Variants in STIP1 observed in about 807,000 individuals in gnomAD.
STIP1 encodes the protein stress-induced-phosphoprotein 1.
In STIP1, 16 loss-of-function variants were observed where a neutral mutation model predicts 77.4. The ratio of observed to expected loss-of-function variants is 0.21; its 90% CI spans 0.14 to 0.31. The LOEUF is 0.31. STIP1 is among the 10% of genes least tolerant of loss of function. The pLI, the probability that STIP1 is intolerant of heterozygous loss-of-function variation, is 1.00. For missense variants in STIP1, 524 were observed against 684.8 expected, an observed-to-expected ratio of 0.77 and a Z score of 2.62; for synonymous variants, 258 against 246.6, an observed-to-expected ratio of 1.05 and a Z score of -0.44.
At chr11:64,191,181 C>T (rs1375285227) in intron 1 of STIP1, among the ~76,000 whole-genome samples, 1 of 134,858 alleles carries the variant, frequency 7.4e-6, no homozygotes, top group Non-Finnish European at 1.6e-5. Context: ...GAGTGAAACT[C>T]TGTCTCAAAA....
At chr11:64,202,059 A>G (rs1045122861) in intron 10 of STIP1, among the ~76,000 whole-genome samples, 2 of 152,222 alleles carry the variant, frequency 1.3e-5, no homozygotes, top group Middle Eastern at 6.3e-3. Context: ...TGAGACATCC[A>G]AGTCTTGTGC....
chr11:64,189,500 C>G (rs1946067044), intron 1 of STIP1, among the ~76,000 whole-genome samples: 1 of 151,810 alleles, frequency 6.6e-6, no homozygotes. Flanking sequence ...GCCCTCCAGC[C>G]TGAATGACAG....
chr11:64,203,213 G>A lies in STIP1; in HGVS notation c.1371G>A (p.Leu457=), dbSNP rs1324917091. 2 of 1,613,998 alleles carry A rather than the reference G, an allele frequency of 1.2e-6. No homozygotes were observed. Among genetic ancestry groups the A allele is most frequent in the Non-Finnish European group, 1.7e-6 (2 of 1,180,044 alleles). Residue 457 remains leucine (L), a synonymous_variant, in exon 12 of 14, where the codon CTG becomes CTA. Coordinates refer to ENST00000305218, the MANE Select transcript of STIP1 (RefSeq NM_006819.3). ...AMDVYQKALD[L]DSSCKEAADG... is the part of the protein sequence containing the mutation. ...ATGTGTACCAGAAGGCGCTAGACCTGGACTCCAGCTGTAAGGTGGGGCTGC... is the reference window on the plus strand; with the variant it reads ...ATGTGTACCAGAAGGCGCTAGACCTAGACTCCAGCTGTAAGGTGGGGCTGC...
chr11:64,202,995 G>C (rs1305115096), intron 11 of STIP1, 83 bp downstream of exon 11: 1 of 1,605,638 alleles, frequency 6.2e-7, no homozygotes, highest in Non-Finnish European at 8.5e-7. Flanking sequence ...CTACCTGTGT[G>C]TCCTTGGGAC....
rs190401117 is a variant in STIP1 at position 64,203,297 on chromosome 11, T to C, written c.1386+69T>C. 4.5e-5 allele frequency: 71 copies of C among 1,591,152 alleles called. No individual in the cohort carries two copies. In the African/African-American group the frequency reaches 8.5e-4, roughly 19 times the overall value. ...TCTGTTGGGGCTTTTCCATGTTCAG[T>C]CCCTGATTTCTTCCCTGTCACCTCC... On this transcript the variant is annotated intron_variant, in intron 12 of 13. Transcript: ENST00000305218.
At chr11:64,194,706 T>C (rs1348410938) in intron 4 of STIP1, 86 bp downstream of exon 4, 27 of 1,514,366 alleles carry the variant, frequency 1.8e-5, no homozygotes, top group Non-Finnish European at 2.2e-5. Flanking sequence ...GGTTCCCTGG[T>C]CTAAACTGCA....
chr11:64,190,235 G>T (rs1946077640), intron 1 of STIP1, among the ~76,000 whole-genome samples: 1 of 151,946 alleles, frequency 6.6e-6, no homozygotes, highest in South Asian at 2.1e-4. Flanking sequence ...GTGCAATGAC[G>T]CAATCTCAGC....
intron 1 of STIP1, among the ~76,000 whole-genome samples, chr11:64,188,358 AAG>A (rs1397245748): frequency 1.1e-3 from 161 of 151,234 alleles, no homozygotes; most frequent in Non-Finnish European, 1.9e-3. Context: ...AAAAAAAAAA[AAG>A]AAAAGAAACG....
intron 5 of STIP1, among the ~76,000 whole-genome samples, chr11:64,196,494 G>C (rs371522987): frequency 6.6e-6 from 1 of 151,952 alleles, no homozygotes; most frequent in African/African-American, 2.4e-5. Flanking sequence ...TCACCACAGC[G>C]GCTTCATTGC....
chr11:64,197,070 A>AT, intron 5 of STIP1: 1 of 661,952 alleles, frequency 1.5e-6, no homozygotes, highest in Non-Finnish European at 2.5e-6. Context: ...GGGGAGTTTC[A>AT]GAGCAAGCAA....
chr11:64,200,924 A>G (rs1946212687), intron 10 of STIP1, among the ~76,000 whole-genome samples: 1 of 150,184 alleles, frequency 6.7e-6, no homozygotes, highest in South Asian at 2.1e-4. Flanking sequence ...ACGGGGTTTT[A>G]CCATGTTGGC....
chr11:64,199,301 G>A (rs1185840369), intron 8 of STIP1, among the ~76,000 whole-genome samples: 13 of 151,176 alleles, frequency 8.6e-5, no homozygotes, highest in Non-Finnish European at 1.5e-4. Context: ...TCAGGAGATC[G>A]AGACCATCCT....
rs538702501 is a variant in STIP1, at chr11:64,197,498, T to C, written c.805T>C (p.Tyr269His). 1 of 1,614,164 alleles carries C rather than the reference T, an allele frequency of 6.2e-7. No homozygotes were observed. Among genetic ancestry groups the C allele is most frequent in the South Asian group, 1.1e-5 (1 of 91,078 alleles). ...TTAACCATCCTGCCTGGCAGCGGTATACTTTGAAAAGGGCGACTACAATAA... is the reference window on the plus strand; with the variant it reads ...TTAACCATCCTGCCTGGCAGCGGTACACTTTGAAAAGGGCGACTACAATAA... Reference protein sequence around the residue: ...MTYITNQAAVYFEKGDYNKCR... With the variant: ...MTYITNQAAVHFEKGDYNKCR... Residue 269 changes from tyrosine to histidine, a missense_variant, in exon 7 of 14, where the codon TAC becomes CAC. Coordinates refer to ENST00000305218, the MANE Select transcript of STIP1 (RefSeq NM_006819.3).
At chr11:64,200,591 G>A (rs1467721184) in intron 10 of STIP1, among the ~76,000 whole-genome samples, 1 of 11,506 alleles carries the variant, frequency 8.7e-5, no homozygotes, top group African/African-American at 5.3e-4. Context: ...CTAACTGGTC[G>A]TGTGTGTGTG....
At chr11:64,198,738 G>T (rs570652428) in intron 8 of STIP1, among the ~76,000 whole-genome samples, 13 of 133,308 alleles carry the variant, frequency 9.8e-5, no homozygotes, top group Admixed American at 6.3e-4. Context: ...AAGTGATCTG[G>T]TGTTTTTTTT....
intron 4 of STIP1, 54 bp from the exon 5 acceptor site, chr11:64,195,591 A>G: frequency 6.7e-7 from 1 of 1,491,084 alleles, no homozygotes; most frequent in Non-Finnish European, 9.0e-7. Flanking sequence ...TTAAAAGACT[A>G]ATTGTGGGGA....
Position 64,194,494 on chromosome 11 carries a change from AC to A in STIP1, c.380del (p.Pro127LeufsTer29). 1 of 1,614,004 alleles carries A rather than the reference AC, an allele frequency of 6.2e-7. No homozygotes were observed. Among genetic ancestry groups the A allele is most frequent in the Non-Finnish European group, 8.5e-7 (1 of 1,180,002 alleles). On this transcript the variant is annotated frameshift_variant, in exon 4 of 14. Transcript: ENST00000305218. LOFTEE classifies it high-confidence loss of function. ...ATTTGGACAGAGAGAAAATTCATGA[AC>A]CCTTTCAACATGCCTAATCTGTATC... ...EARLAERKFM[N>X]PFNMPNLYQK... is the part of the protein sequence containing the mutation.
At chr11:64,194,101 A>T in intron 2 of STIP1, 88 bp from the exon 3 acceptor site, 1 of 1,532,402 alleles carries the variant, frequency 6.5e-7, no homozygotes, top group Non-Finnish European at 8.8e-7. Context: ...TTTTTCCCCC[A>T]TAAAAGTAGA....
At chr11:64,198,725 AG>A (rs1355078838) in intron 8 of STIP1, among the ~76,000 whole-genome samples, 1 of 144,892 alleles carries the variant, frequency 6.9e-6, no homozygotes, top group Non-Finnish European at 1.5e-5. Context: ...GACAACATGT[AG>A]GAAGTGATCT....
Sources: allele counts gnomAD v4.1 joint callset (sites outside exome capture counted in the v4.1 genomes callset), GRCh38; gene constraint gnomAD v4.1.1; transcripts MANE v1.5; gene names NCBI Gene and HGNC (gene_info 2026-07-23, HGNC 2026-07-21).